The following RBFOX1 variants were observed in gnomAD, a reference collection of about 807,000 sequenced individuals.
RBFOX1 encodes RNA binding fox-1 homolog 1, also known as RNA binding protein fox-1 homolog 1.
A neutral mutation model predicts 57.7 loss-of-function variants in RBFOX1; 8 were observed. The ratio of observed to expected loss-of-function variants is 0.14; its 90% CI spans 0.08 to 0.25. The LOEUF (loss-of-function observed/expected upper bound fraction) is 0.25, where lower values mean the gene tolerates loss of function less well. Among genes scored for constraint, RBFOX1 ranks in the 10% least tolerant of loss-of-function variants. The pLI, the probability that RBFOX1 is intolerant of heterozygous loss-of-function variation, is 1.00. For missense variants in RBFOX1, 611 were observed against 548.5 expected (o/e 1.11, Z -1.14); for synonymous variants, 326 against 222.4 (o/e 1.47, Z -4.15).
intron 2 of RBFOX1, among the ~76,000 whole-genome samples, chr16:5,512,556 T>C (rs1415921434): frequency 6.6e-6 from 1 of 152,204 alleles, no homozygotes. Flanking sequence ...ATTTATGAGC[T>C]CTGTGACCTA....
chr16:7,671,744 A>G lies in RBFOX1; in HGVS notation c.931-5030A>G, dbSNP rs1271637806. On this transcript the variant is annotated intron_variant, in intron 13 of 15. Coordinates refer to ENST00000550418, the MANE Select transcript of RBFOX1 (RefSeq NM_018723.4). The stretch of plus-strand genomic sequence containing the variant: ...AACTGAATTTTCCAGTTTTAATATG[A>G]AATCTCCTAGAATAGAGGTGAGGTG... The G allele has an allele frequency of 4.0e-6, 3 of 745,106 alleles. No homozygotes were observed. The Admixed American group carries it at 6.5e-5, about 16-fold the overall frequency. The allele number at this position is 745,106 out of a possible 1,614,324, so 46.2% of individuals were successfully genotyped here.
At chr16:6,947,469 T>C (rs1179475506) in intron 3 of RBFOX1, among the ~76,000 whole-genome samples, 4 of 152,248 alleles carry the variant, frequency 2.6e-5, no homozygotes, top group South Asian at 2.1e-4. Flanking sequence ...TGAGAACATA[T>C]GTTCTTGGGA....
In RBFOX1 at chr16:6,663,745, C is replaced by A. The variant is rs115697621; in HGVS notation, c.-16+9095C>A. Reference sequence around the variant, plus strand: ...GAAGAAGCTCCAAAATTCCTGGAATCTTTGGAAATGAAAATTAGAGCATCC... The same window carrying A: ...GAAGAAGCTCCAAAATTCCTGGAATATTTGGAAATGAAAATTAGAGCATCC... On this transcript the variant is annotated intron_variant, in intron 3 of 15. Coordinates refer to ENST00000550418, the MANE Select transcript of RBFOX1 (RefSeq NM_018723.4). Among the ~76,000 whole-genome samples, 1,088 of 152,234 alleles carry A rather than the reference C, an allele frequency of 7.1e-3. 42 individuals carry two copies. The highest frequency in any genetic ancestry group is 0.024 in the African/African-American group (1,016 of 41,514).
chr16:5,286,731 C>T (rs4110171), intron 1 of RBFOX1, among the ~76,000 whole-genome samples: 65,760 of 151,924 alleles, frequency 0.43, 14,630 homozygotes, highest in Non-Finnish European at 0.5. Flanking sequence ...AAGAGGCAAA[C>T]GGTAATATTT....
chr16:6,726,435 C>T (rs748287671), intron 3 of RBFOX1, among the ~76,000 whole-genome samples: 1 of 148,842 alleles, frequency 6.7e-6, no homozygotes, highest in African/African-American at 2.5e-5. Context: ...GATAAAATCA[C>T]GACTTGTCTT....
intron 4 of RBFOX1, among the ~76,000 whole-genome samples, chr16:7,282,625 G>T (rs1430199287): frequency 1.3e-5 from 2 of 151,986 alleles, no homozygotes; most frequent in Non-Finnish European, 2.9e-5. Context: ...AACAGGTGGT[G>T]TTTGATTTCA....
chr16:6,907,249 A>C (rs917308421), intron 3 of RBFOX1, among the ~76,000 whole-genome samples: 1 of 152,108 alleles, frequency 6.6e-6, no homozygotes, highest in African/African-American at 2.4e-5. Flanking sequence ...ATGGCCCCCG[A>C]AGCAAAGCGT....
At chr16:7,140,997 A>T (rs1256979525) in intron 4 of RBFOX1, among the ~76,000 whole-genome samples, 4 of 152,172 alleles carry the variant, frequency 2.6e-5, no homozygotes, top group Admixed American at 2.6e-4. Context: ...CCCTCGTTGG[A>T]AGTAATAATG....
chr16:5,507,086 C>A (rs910420813), intron 2 of RBFOX1, among the ~76,000 whole-genome samples: 5 of 152,072 alleles, frequency 3.3e-5, no homozygotes, highest in African/African-American at 1.2e-4. Context: ...TGTGCAGGCT[C>A]TCTGTGCCTC....
rs548064523 is a variant in RBFOX1, at chr16:7,367,764, G to A, written c.28-150383G>A. On this transcript the variant is annotated intron_variant, in intron 4 of 15. Transcript: ENST00000550418. ...TTCAATGCAATAGTGCAGGCTCTGC[G>A]TTGTCAGATTTTCTGATATTTCAAA... 1.3e-3 allele frequency among the ~76,000 whole-genome samples: 199 copies of A among 152,206 alleles called. 1 individual carries two copies. The highest frequency in any genetic ancestry group is 3.7e-3 in the African/African-American group (153 of 41,552).
chr16:7,463,476 C>T (rs1266494193), intron 4 of RBFOX1, among the ~76,000 whole-genome samples: 1 of 152,160 alleles, frequency 6.6e-6, no homozygotes, highest in Admixed American at 6.5e-5. Flanking sequence ...TGCGTTGCAG[C>T]CTGGGCGACA....
intron 4 of RBFOX1, among the ~76,000 whole-genome samples, chr16:7,365,872 C>A (rs1478294122): frequency 6.6e-6 from 1 of 152,172 alleles, no homozygotes; most frequent in Non-Finnish European, 1.5e-5. Context: ...AATATTAATA[C>A]CCTAAGACTC....
intron 4 of RBFOX1, among the ~76,000 whole-genome samples, chr16:7,363,033 G>C (rs909944288): frequency 2.6e-5 from 4 of 152,180 alleles, no homozygotes; most frequent in African/African-American, 7.2e-5. Flanking sequence ...GCTTAAGCAG[G>C]ATGGCCTGTA....
chr16:7,619,076 T>C (rs1243100202), intron 10 of RBFOX1, among the ~76,000 whole-genome samples: 1 of 152,220 alleles, frequency 6.6e-6, no homozygotes, highest in Non-Finnish European at 1.5e-5. Context: ...TGCCAACGGC[T>C]GTTATTTTGT....
intron 3 of RBFOX1, among the ~76,000 whole-genome samples, chr16:6,802,979 C>T (rs958312552): frequency 2.0e-5 from 3 of 152,084 alleles, no homozygotes; most frequent in Admixed American, 1.3e-4. Flanking sequence ...TTATTTTCTC[C>T]TTTTCTAATC....
chr16:6,668,086 C>T (rs968101120), intron 3 of RBFOX1, among the ~76,000 whole-genome samples: 2 of 152,096 alleles, frequency 1.3e-5, no homozygotes, highest in Admixed American at 6.5e-5. Context: ...CCCTCAATTA[C>T]CTGTCTAGAG....
chr16:5,247,523 G>C lies in RBFOX1; in HGVS notation c.219+7418G>C, dbSNP rs111386568. On this transcript the variant is annotated intron_variant, in intron 1 of 2. Coordinates refer to the RBFOX1 transcript ENST00000585867. ...CCAGCTGCTGGTCTACAAGATGGAT[G>C]GGTCCTTGGAGATCACGCTGTAGCA... Among the ~76,000 whole-genome samples, 1,500 of 152,280 alleles carry C rather than the reference G, an allele frequency of 9.9e-3. 31 individuals carry two copies. Among genetic ancestry groups the C allele is most frequent in the African/African-American group, 0.034 (1,429 of 41,542 alleles).
At chr16:7,419,162 C>A (rs941553478) in intron 4 of RBFOX1, among the ~76,000 whole-genome samples, 1 of 152,210 alleles carries the variant, frequency 6.6e-6, no homozygotes, top group Admixed American at 6.5e-5. Context: ...CCCACCGTGG[C>A]CTCCCAAAGT....
At chr16:5,955,205 C>T (rs1325079847) in intron 4 of RBFOX1, among the ~76,000 whole-genome samples, 4 of 142,932 alleles carry the variant, frequency 2.8e-5, no homozygotes, top group Non-Finnish European at 4.5e-5. Flanking sequence ...TTGCTTGAAC[C>T]AGGAAGCTGA....
Sources: gnomAD v4.1 joint callset for allele counts (sites outside exome capture counted in the v4.1 genomes callset) on GRCh38, gnomAD v4.1.1 for gene constraint, MANE v1.5 for transcripts, NCBI Gene and HGNC (gene_info 2026-07-23, HGNC 2026-07-21) for gene names.